The following ZC3HAV1 variants were observed in gnomAD, a reference collection of about 807,000 sequenced individuals.
ZC3HAV1 encodes zinc finger CCCH-type containing, antiviral 1, also known as zinc finger CCCH-type antiviral protein 1.
ZC3HAV1 carries 41 observed loss-of-function variants against 86.6 expected under a neutral mutation model. That is an observed-to-expected ratio of 0.47 (90% CI 0.37 to 0.61). The LOEUF (loss-of-function observed/expected upper bound fraction) is 0.61. ZC3HAV1 is among the 20% of genes least tolerant of loss of function. The pLI, the probability that ZC3HAV1 is intolerant of heterozygous loss-of-function variation, is 0.00. For missense variants in ZC3HAV1, 964 were observed against 1,141.1 expected (o/e 0.84, Z 2.24); for synonymous variants, 421 against 432.1 (o/e 0.97, Z 0.32).
chr7:139,084,016 T>C lies in ZC3HAV1; in HGVS notation c.461A>G (p.Lys154Arg). The stretch of plus-strand genomic sequence containing the variant: ...ACAAATCTGCTGCCGACCCTCTCCC[T>C]TATAACTTTTGCATATCTACAGAAG... ...FFMPEICKSY[K>R]GEGRQQICNQ... The change falls in exon 3 of 13, where the codon AAG becomes AGG. Residue 154 changes from lysine (K) to arginine (R), a missense_variant. Lys to Arg is a conservative substitution (Grantham distance 26). Transcript: ENST00000242351. 6.2e-7 allele frequency: 1 copy of C among 1,613,958 alleles called. No homozygotes were observed. The highest frequency in any genetic ancestry group is 8.5e-7 in the Non-Finnish European group (1 of 1,179,916).
intron 4 of ZC3HAV1, 74 bp from the exon 5 acceptor site, chr7:139,078,727 A>ATATC: frequency 9.3e-7 from 1 of 1,080,220 alleles, no homozygotes; most frequent in Non-Finnish European, 1.3e-6. Context: ...TGGTCTCACA[A>ATATC]TGGGAAAGAA....
chr7:139,067,241 T>C (rs1290906703), intron 7 of ZC3HAV1, among the ~76,000 whole-genome samples: 1 of 152,068 alleles, frequency 6.6e-6, no homozygotes, highest in Non-Finnish European at 1.5e-5. Context: ...CTCCGCCTCC[T>C]GGGTTCAAGC....
At chr7:139,077,210 C>A (rs1255916476) in intron 5 of ZC3HAV1, among the ~76,000 whole-genome samples, 1 of 152,118 alleles carries the variant, frequency 6.6e-6, no homozygotes, top group Admixed American at 6.6e-5. Flanking sequence ...ACTTACTTCA[C>A]GCAGTTTTCC....
chr7:139,096,960 G>A, intron 1 of ZC3HAV1, among the ~76,000 whole-genome samples: 1 of 117,172 alleles, frequency 8.5e-6, no homozygotes, highest in Non-Finnish European at 1.7e-5. Context: ...TGTCTCTATT[G>A]AAAATACAAG....
chr7:139,066,286 T>C (rs1204993421), intron 7 of ZC3HAV1, among the ~76,000 whole-genome samples: 1 of 152,178 alleles, frequency 6.6e-6, no homozygotes, highest in African/African-American at 2.4e-5. Context: ...CCGACGCCCC[T>C]TCCTCTTCCC....
chr7:139,070,508 TA>T (rs1222601237), intron 7 of ZC3HAV1, among the ~76,000 whole-genome samples: 1 of 149,188 alleles, frequency 6.7e-6, no homozygotes, highest in Admixed American at 6.7e-5. Flanking sequence ...ACTAAAAATA[TA>T]AAAAATTAGC....
Position 139,080,193 on chromosome 7 carries a change from T to C in ZC3HAV1, c.748A>G (p.Arg250Gly), listed in dbSNP as rs1817088458. Residue 250 changes from arginine (R) to glycine (G), a missense_variant, in exon 4 of 13, where the codon AGA (arginine) becomes GGA (glycine). Arg to Gly is a moderately radical substitution (Grantham distance 125). Transcript: ENST00000242351. Reference protein sequence around the residue: ...NMAYRARSKSRDRFFQGSQEF... With the variant: ...NMAYRARSKSGDRFFQGSQEF... ...TGGCTGCCCTGAAAGAACCGATCTCTACTCTTGCTTCTAGCCCTATATGCC... is the reference window on the plus strand; with the variant it reads ...TGGCTGCCCTGAAAGAACCGATCTCCACTCTTGCTTCTAGCCCTATATGCC... 1 of 1,614,168 alleles carries C rather than the reference T, an allele frequency of 6.2e-7. No individual in the cohort carries two copies.
chr7:139,085,194 C>G (rs540811734), intron 2 of ZC3HAV1, among the ~76,000 whole-genome samples: 15 of 152,236 alleles, frequency 9.9e-5, no homozygotes, highest in African/African-American at 3.4e-4. Flanking sequence ...TTTAACAAAC[C>G]TTCTGGATGA....
chr7:139,107,018 T>C (rs1232254198), intron 1 of ZC3HAV1, among the ~76,000 whole-genome samples: 1 of 151,984 alleles, frequency 6.6e-6, no homozygotes, highest in Non-Finnish European at 1.5e-5. Context: ...AATAAAAAAA[T>C]AAAAAGCATA....
At chr7:139,085,474 G>A (rs1563136088) in intron 2 of ZC3HAV1, among the ~76,000 whole-genome samples, 1 of 152,134 alleles carries the variant, frequency 6.6e-6, no homozygotes, top group African/African-American at 2.4e-5. Flanking sequence ...AGTTTTTTAG[G>A]GCTGAGTGTG....
chr7:139,074,277 TAAAACTGTGCCCAC>T (rs1306400918), intron 6 of ZC3HAV1, among the ~76,000 whole-genome samples: 2 of 152,134 alleles, frequency 1.3e-5, no homozygotes, highest in African/African-American at 2.4e-5. Context: ...TATCCCAAAA[TAAAACTGTGCCCAC>T]AAAACTCCTG....
chr7:139,065,053 T>G, intron 7 of ZC3HAV1, 54 bp from the exon 8 acceptor site: 1 of 1,607,172 alleles, frequency 6.2e-7, no homozygotes, highest in Non-Finnish European at 8.5e-7. Context: ...AGGAAATCTC[T>G]ACTGTTATAT....
At position 139,096,540 on chromosome 7, in the gene ZC3HAV1, A is replaced by C. The variant is rs542201929; in HGVS notation, c.309-6781T>G. Among the ~76,000 whole-genome samples the C allele has an allele frequency of 3.6e-3, 545 of 152,320 alleles. 4 individuals are homozygous for C. Among genetic ancestry groups the C allele is most frequent in the Non-Finnish European group, 3.7e-3 (254 of 68,024 alleles). ...TAGAATTGTCTATCATTTGTGACACAAAGTTTGTGCTCAATAAATATTTAT... is the reference window on the plus strand; with the variant it reads ...TAGAATTGTCTATCATTTGTGACACCAAGTTTGTGCTCAATAAATATTTAT... On this transcript the variant is annotated intron_variant, in intron 1 of 12. Coordinates refer to ENST00000242351, the MANE Select transcript of ZC3HAV1 (RefSeq NM_020119.4).
chr7:139,079,304 C>T (rs1817051492), intron 4 of ZC3HAV1, 166 bp downstream of exon 4: 5 of 1,538,844 alleles, frequency 3.2e-6, no homozygotes, highest in Non-Finnish European at 4.4e-6. Context: ...CAGACTCTGA[C>T]TTCCAGTACG....
At chr7:139,048,009 T>C (rs1388626717) in intron 12 of ZC3HAV1, among the ~76,000 whole-genome samples, 156 bp from the exon 13 acceptor site, 3 of 152,224 alleles carry the variant, frequency 2.0e-5, no homozygotes, top group African/African-American at 7.2e-5. Flanking sequence ...AAAAACATGT[T>C]AATGATGCAG....
In ZC3HAV1 at chr7:139,059,767, T is replaced by C. The variant is rs558700346; in HGVS notation, c.2096+1269A>G. ...GAGATATGCAGGTTGGAATTATGAA[T>C]TAGAATTAAGTCAACTTAATTATAT... On this transcript the variant is annotated intron_variant, in intron 9 of 12. Transcript: ENST00000242351. 3.3e-5 allele frequency among the ~76,000 whole-genome samples: 5 copies of C among 152,274 alleles called. No homozygotes were observed. The South Asian group carries it at 1.0e-3, about 32-fold the overall frequency.
intron 9 of ZC3HAV1, among the ~76,000 whole-genome samples, chr7:139,058,588 A>C (rs1026512337): frequency 1.3e-5 from 2 of 152,174 alleles, no homozygotes; most frequent in East Asian, 3.8e-4. Flanking sequence ...ACAAGGTAGA[A>C]GTGGGTAAGT....
At chr7:139,069,544 C>A (rs937413170) in intron 7 of ZC3HAV1, among the ~76,000 whole-genome samples, 2 of 152,136 alleles carry the variant, frequency 1.3e-5, no homozygotes, top group Non-Finnish European at 2.9e-5. Context: ...TTCAACGACT[C>A]CCAGGCTCTA....
intron 9 of ZC3HAV1, 133 bp from the exon 10 acceptor site, chr7:139,055,428 G>C: frequency 1.6e-6 from 1 of 641,622 alleles, no homozygotes; most frequent in Non-Finnish European, 2.6e-6. Flanking sequence ...TTTTTCTCTG[G>C]ACTACATCCT....
Sources: gnomAD v4.1 joint callset for allele counts (sites outside exome capture counted in the v4.1 genomes callset) on GRCh38, gnomAD v4.1.1 for gene constraint, MANE v1.5 for transcripts, NCBI Gene and HGNC (gene_info 2026-07-23, HGNC 2026-07-21) for gene names.